Variants in NCKAP5 observed in about 807,000 individuals in gnomAD.
The protein encoded by NCKAP5 is nck-associated protein 5.
A neutral mutation model predicts 167.0 loss-of-function variants in NCKAP5; 92 were observed. The ratio of observed to expected loss-of-function variants is 0.55; its 90% CI spans 0.47 to 0.66. NCKAP5 has a LOEUF of 0.66. Among genes scored for constraint, NCKAP5 ranks in the 30% least tolerant of loss-of-function variants. NCKAP5 has a pLI of 0.00. For synonymous variants in NCKAP5, 891 were observed against 877.4 expected, an observed-to-expected ratio of 1.02 and a Z score of -0.27; for missense variants, 2,378 against 2,315.0, an observed-to-expected ratio of 1.03 and a Z score of -0.56.
chr2:132,701,279 G>A (rs1314009529), intron 19 of NCKAP5, among the ~76,000 whole-genome samples: 1 of 152,030 alleles, frequency 6.6e-6, no homozygotes, highest in African/African-American at 2.4e-5. Flanking sequence ...GGTAATGAGG[G>A]CGGGATAAGA....
In NCKAP5 at chr2:132,783,418, A is replaced by G. The variant is rs777979656; in HGVS notation, c.3393T>C (p.Pro1131=). ...SSSPAKSHNS[P]HGCQSAHEKG... Reference sequence around the variant, plus strand: ...TCTCATGAGCACTTTGACAACCATGAGGGCTGTTATGGCTTTTGGCGGGTG... The same window carrying G: ...TCTCATGAGCACTTTGACAACCATGGGGGCTGTTATGGCTTTTGGCGGGTG... The change falls in exon 14 of 20, where the codon CCT becomes CCC. Residue 1131 remains proline, a synonymous_variant. Coordinates refer to ENST00000409261, the MANE Select transcript of NCKAP5 (RefSeq NM_207363.3). The G allele has an allele frequency of 1.8e-5, 29 of 1,590,676 alleles. No homozygotes were observed. Among genetic ancestry groups the G allele is most frequent in the Non-Finnish European group, 2.4e-5 (28 of 1,168,876 alleles).
chr2:133,437,849 A>G (rs1036174874), intron 3 of NCKAP5, among the ~76,000 whole-genome samples: 4 of 152,238 alleles, frequency 2.6e-5, no homozygotes. Flanking sequence ...AAATAAGGAA[A>G]TCTATGCAGA....
At chr2:133,639,219 G>A in the NCKAP5 span, among the ~76,000 whole-genome samples, 1 of 152,236 alleles carries the variant, frequency 6.6e-6, no homozygotes, top group Non-Finnish European at 1.5e-5. Flanking sequence ...TATTACTGGT[G>A]GGAGTATAAA....
the NCKAP5 span, among the ~76,000 whole-genome samples, chr2:133,599,821 C>G: frequency 2.6e-5 from 4 of 152,216 alleles, no homozygotes; most frequent in African/African-American, 9.6e-5. Context: ...CTGTCTACAG[C>G]CCAAGAGGGC....
intron 11 of NCKAP5, among the ~76,000 whole-genome samples, chr2:132,854,681 C>G (rs1574428179): frequency 6.6e-6 from 1 of 152,194 alleles, no homozygotes; most frequent in East Asian, 1.9e-4. Flanking sequence ...TCCCACATGC[C>G]TTTTAGAACA....
intron 2 of NCKAP5, among the ~76,000 whole-genome samples, chr2:133,551,180 A>G (rs988474554): frequency 1.2e-4 from 18 of 152,254 alleles, no homozygotes; most frequent in Middle Eastern, 6.8e-3. Context: ...AAGGTAATTT[A>G]TAGATTCAAT....
chr2:133,333,356 G>C (rs1471109901), intron 3 of NCKAP5, among the ~76,000 whole-genome samples: 1 of 152,172 alleles, frequency 6.6e-6, no homozygotes, highest in Non-Finnish European at 1.5e-5. Flanking sequence ...CATCGGAAGA[G>C]GAAAGGCTAC....
chr2:132,855,467 G>A (rs1689392396), intron 11 of NCKAP5, among the ~76,000 whole-genome samples: 1 of 152,206 alleles, frequency 6.6e-6, no homozygotes, highest in Non-Finnish European at 1.5e-5. Flanking sequence ...GGCAGGACTG[G>A]AGGCGCCTCC....
chr2:133,383,565 T>C (rs1255107573), intron 3 of NCKAP5, among the ~76,000 whole-genome samples: 1 of 152,198 alleles, frequency 6.6e-6, no homozygotes, highest in Admixed American at 6.5e-5. Flanking sequence ...TTTATATTCC[T>C]TTGGTTATAT....
chr2:132,995,205 T>G (rs1447896211), intron 6 of NCKAP5, among the ~76,000 whole-genome samples: 1 of 152,168 alleles, frequency 6.6e-6, no homozygotes, highest in Non-Finnish European at 1.5e-5. Flanking sequence ...ATAATAAACC[T>G]TAGCTTACTA....
intron 11 of NCKAP5, among the ~76,000 whole-genome samples, chr2:132,848,388 G>A (rs368703306): frequency 2.0e-5 from 3 of 152,092 alleles, no homozygotes; most frequent in East Asian, 1.9e-4. Flanking sequence ...TAATGATAAC[G>A]GCTTTTTGCA....
At chr2:133,593,854 G>A in the NCKAP5 span, among the ~76,000 whole-genome samples, 1 of 152,132 alleles carries the variant, frequency 6.6e-6, no homozygotes, top group East Asian at 1.9e-4. Flanking sequence ...GTGCATAGGG[G>A]ATGCAGCCCT....
Position 132,782,991 on chromosome 2 carries a change from G to T in NCKAP5, c.3820C>A (p.Arg1274Ser), listed in dbSNP as rs535070542. 2 of 1,613,942 alleles carry T rather than the reference G, an allele frequency of 1.2e-6. No individual in the cohort carries two copies. The highest frequency in any genetic ancestry group is 2.7e-5 in the African/African-American group (2 of 75,042). ...GAGTGTGTACTGAAGCTGTGGCTGC[G>T]GGCTTTGGCGCCATTCATACCCAGA... is the stretch of plus-strand genomic sequence containing the variant. ...PALGMNGAKA[R>S]SHSFSTHSGD... is the part of the protein sequence containing the mutation. The change falls in exon 14 of 20, where the codon CGC (arginine) becomes AGC (serine). Residue 1274 changes from arginine to serine, a missense_variant. By Grantham distance (110) the Arg-to-Ser change is moderately radical. Transcript: ENST00000409261.
chr2:133,189,375 T>A (rs1375561448), intron 5 of NCKAP5, among the ~76,000 whole-genome samples: 1 of 151,452 alleles, frequency 6.6e-6, no homozygotes, highest in East Asian at 1.9e-4. Flanking sequence ...GCTGGTACCG[T>A]TCCTTCTGAA....
intron 5 of NCKAP5, among the ~76,000 whole-genome samples, chr2:133,204,092 C>A (rs1043589973): frequency 6.6e-6 from 1 of 152,142 alleles, no homozygotes; most frequent in Non-Finnish European, 1.5e-5. Context: ...CTTCACTAAC[C>A]CCAGATCATA....
intron 3 of NCKAP5, among the ~76,000 whole-genome samples, chr2:133,334,536 G>C (rs954034658): frequency 1.3e-5 from 2 of 152,122 alleles, no homozygotes; most frequent in Non-Finnish European, 2.9e-5. Flanking sequence ...TGGCAAAGTG[G>C]AGATTCAAGA....
chr2:133,162,274 G>T (rs1168349027), intron 5 of NCKAP5, among the ~76,000 whole-genome samples: 1 of 152,170 alleles, frequency 6.6e-6, no homozygotes, highest in Non-Finnish European at 1.5e-5. Context: ...TTTTTTAAAA[G>T]AAGTCATTTA....
At chr2:133,270,453 A>G (rs182608070) in intron 4 of NCKAP5, among the ~76,000 whole-genome samples, 1 of 152,342 alleles carries the variant, frequency 6.6e-6, no homozygotes, top group East Asian at 1.9e-4. Flanking sequence ...AAGATCACCA[A>G]TAGATGCTAA....
intron 11 of NCKAP5, among the ~76,000 whole-genome samples, chr2:132,827,839 T>G (rs1687239104): frequency 6.6e-6 from 1 of 152,196 alleles, no homozygotes; most frequent in South Asian, 2.1e-4. Flanking sequence ...TTAAATGTAT[T>G]TCAGCTGAGT....
Sources: gnomAD v4.1 joint callset for allele counts (sites outside exome capture counted in the v4.1 genomes callset) on GRCh38, gnomAD v4.1.1 for gene constraint, MANE v1.5 for transcripts, NCBI Gene and HGNC (gene_info 2026-07-23, HGNC 2026-07-21) for gene names.